XRN2: variants seen among roughly 807,000 people sequenced by gnomAD.
XRN2 encodes DHM1-like protein.
In XRN2, 44 loss-of-function variants were observed where a neutral mutation model predicts 138.5. The ratio of observed to expected loss-of-function variants is 0.32; its 90% CI spans 0.25 to 0.41. The LOEUF is 0.41. Ranked by LOEUF, XRN2 falls within the 10% of genes least tolerant of loss-of-function variation. The probability of loss-of-function intolerance (pLI) is 1.00; values close to 1 mark genes in which losing one functional copy is unlikely to be tolerated. For synonymous variants in XRN2, 354 were observed against 369.4 expected (o/e 0.96, Z 0.48); for missense variants, 937 against 1,169.3 (o/e 0.80, Z 2.90).
chr20:21,304,155 TGTTA>T (rs2037781646), intron 1 of XRN2, among the ~76,000 whole-genome samples: 1 of 152,326 alleles, frequency 6.6e-6, no homozygotes, highest in East Asian at 1.9e-4. Context: ...CAATTTTTGT[TGTTA>T]GTTAATACGT....
chr20:21,350,525 CAAAAAAAAAAAAAAA>C (rs11484426), intron 20 of XRN2, among the ~76,000 whole-genome samples: 23 of 58,936 alleles, frequency 3.9e-4, no homozygotes, highest in South Asian at 3.3e-3. Flanking sequence ...GACTCCGTCT[CAAAAAAAAAAAAAAA>C]AAAAAAAAAA....
In XRN2 at chr20:21,333,802, T is replaced by C. The variant is rs2038248712; in HGVS notation, c.1032T>C (p.Asn344=). The change falls in exon 11 of 30, where the codon AAT becomes AAC. Residue 344 remains asparagine (N), a synonymous_variant. Coordinates refer to ENST00000377191, the MANE Select transcript of XRN2 (RefSeq NM_012255.5). ...TTTTCATGTGCTTCTTTGTGGGAAA[T>C]GACTTCCTCCCTCATTTGCCATCGT... ...DWVFMCFFVG[N]DFLPHLPSLE... The C allele has an allele frequency of 6.2e-7, 1 of 1,614,038 alleles. No homozygotes were observed. Among genetic ancestry groups the C allele is most frequent in the African/African-American group, 1.3e-5 (1 of 74,928 alleles).
chr20:21,306,134 G>GT (rs1474114399), intron 1 of XRN2, among the ~76,000 whole-genome samples: 1,130 of 66,982 alleles, frequency 0.017, 349 homozygotes, highest in African/African-American at 0.044. Context: ...AATTCGAGGT[G>GT]TTTTTTTTTT....
chr20:21,319,570 A>G (rs2038009340), intron 1 of XRN2, among the ~76,000 whole-genome samples: 1 of 151,944 alleles, frequency 6.6e-6, no homozygotes, highest in Non-Finnish European at 1.5e-5. Context: ...AATTTTTTCC[A>G]CTATATATTT....
chr20:21,303,467 A>C lies in XRN2; in HGVS notation c.69A>C (p.Glu23Asp). Reference sequence around the variant, plus strand: ...CGTCCATCATAGTCAACTGCGTGGAAGAGAAGGTGAGGAGGCGCCAGGCGG... The same window carrying C: ...CGTCCATCATAGTCAACTGCGTGGACGAGAAGGTGAGGAGGCGCCAGGCGG... ...KYPSIIVNCV[E>D]EKPKECNGVK... The change falls in exon 1 of 30, where the codon GAA becomes GAC. Residue 23 changes from glutamate to aspartate, a missense_variant. Around this residue, in one of 6 missense-constraint regions of XRN2, gnomAD observed 32 missense variants for 32.9 expected, o/e 0.97. Coordinates refer to ENST00000377191, the MANE Select transcript of XRN2 (RefSeq NM_012255.5). The C allele has an allele frequency of 1.3e-6, 2 of 1,543,166 alleles. No individual in the cohort carries two copies. The highest frequency in any genetic ancestry group is 1.7e-6 in the Non-Finnish European group (2 of 1,144,620).
chr20:21,338,395 T>C (rs191113011), intron 13 of XRN2, among the ~76,000 whole-genome samples: 84 of 152,326 alleles, frequency 5.5e-4, no homozygotes, highest in Non-Finnish European at 9.7e-4. Context: ...CAACGTGGGC[T>C]GGACCCTCTC....
chr20:21,370,375 A>C (rs2038747874), intron 27 of XRN2, among the ~76,000 whole-genome samples: 1 of 152,210 alleles, frequency 6.6e-6, no homozygotes, highest in African/African-American at 2.4e-5. Context: ...AGTTAAATGA[A>C]TAAGGTAATT....
At chr20:21,368,334 G>T in intron 26 of XRN2, 129 bp from the exon 27 acceptor site, 1 of 1,113,488 alleles carries the variant, frequency 9.0e-7, no homozygotes, top group Non-Finnish European at 1.2e-6. Flanking sequence ...CCACCTTTTT[G>T]TTTGTATTAT....
intron 28 of XRN2, among the ~76,000 whole-genome samples, chr20:21,383,923 C>T (rs1487777744): frequency 6.6e-6 from 1 of 152,184 alleles, no homozygotes; most frequent in Non-Finnish European, 1.5e-5. Flanking sequence ...TCATAAAAGT[C>T]TTACATCACA....
chr20:21,330,606 A>G lies in XRN2; in HGVS notation c.487-10A>G, dbSNP rs770933289. On this transcript the variant is annotated splice_polypyrimidine_tract_variant and intron_variant, in intron 5 of 29. Transcript: ENST00000377191. Reference sequence around the variant, plus strand: ...ATGATAGGTTAATTTATTTCTTTCTATCATTTTAGGGAACTGAATTCATGG... The same window carrying G: ...ATGATAGGTTAATTTATTTCTTTCTGTCATTTTAGGGAACTGAATTCATGG... 11 of 1,613,618 alleles carry G rather than the reference A, an allele frequency of 6.8e-6. No homozygotes were observed. Among genetic ancestry groups the G allele is most frequent in the East Asian group, 2.2e-5 (1 of 44,814 alleles).
intron 26 of XRN2, among the ~76,000 whole-genome samples, chr20:21,367,674 G>T (rs964329677): frequency 2.0e-5 from 3 of 152,098 alleles, no homozygotes; most frequent in Non-Finnish European, 4.4e-5. Context: ...TCTGTCAAGC[G>T]CTTAGGGTAG....
At chr20:21,331,716 T>C in intron 7 of XRN2, 52 bp from the exon 8 acceptor site, 1 of 1,591,536 alleles carries the variant, frequency 6.3e-7, no homozygotes. Flanking sequence ...TGAAGTGATA[T>C]TCTTGTGGTA....
intron 27 of XRN2, among the ~76,000 whole-genome samples, chr20:21,374,654 A>G (rs1038112943): frequency 2.0e-5 from 3 of 152,206 alleles, no homozygotes; most frequent in Non-Finnish European, 4.4e-5. Context: ...GAGTAAACCT[A>G]ATTTCTGGAA....
At chr20:21,377,432 T>C (rs1372949241) in intron 27 of XRN2, among the ~76,000 whole-genome samples, 1 of 151,786 alleles carries the variant, frequency 6.6e-6, no homozygotes, top group Admixed American at 6.6e-5. Flanking sequence ...ACTTTTTGTA[T>C]TTTTAGTAGA....
Position 21,356,185 on chromosome 20 carries a change from A to G in XRN2, c.2118+8A>G, listed in dbSNP as rs1437323894. 6.3e-7 allele frequency: 1 copy of G among 1,592,444 alleles called. No individual in the cohort carries two copies. The highest frequency in any genetic ancestry group is 8.5e-7 in the Non-Finnish European group (1 of 1,171,022). ...CAGACAGGTTCCACAGAGGTATGTTACGCAATTTGGTTAATTAGAAATGCA... is the reference window on the plus strand; with the variant it reads ...CAGACAGGTTCCACAGAGGTATGTTGCGCAATTTGGTTAATTAGAAATGCA... On this transcript the variant is annotated splice_region_variant and intron_variant, in intron 22 of 29. Transcript: ENST00000377191.
intron 3 of XRN2, 96 bp from the exon 4 acceptor site, chr20:21,328,463 T>C (rs535317846): frequency 7.7e-5 from 88 of 1,138,746 alleles, no homozygotes; most frequent in Non-Finnish European, 1.0e-4. Context: ...TCCATTTTAG[T>C]GTACTGCTTT....
At chr20:21,310,810 T>A (rs2037869653) in intron 1 of XRN2, among the ~76,000 whole-genome samples, 1 of 152,086 alleles carries the variant, frequency 6.6e-6, no homozygotes, top group East Asian at 1.9e-4. Context: ...AGTGGCGCGA[T>A]CTCGGCTCAC....
At chr20:21,330,121 A>C (rs988181902) in intron 4 of XRN2, among the ~76,000 whole-genome samples, 1 of 151,988 alleles carries the variant, frequency 6.6e-6, no homozygotes, top group African/African-American at 2.4e-5. Context: ...CGTCTCTACT[A>C]AAAATACAAA....
chr20:21,358,761 G>T (rs147535490), intron 24 of XRN2, among the ~76,000 whole-genome samples: 1 of 151,220 alleles, frequency 6.6e-6, no homozygotes, highest in South Asian at 2.1e-4. Flanking sequence ...TTATCTTTAC[G>T]TATAATTTTT....
Sources: allele counts gnomAD v4.1 joint callset (sites outside exome capture counted in the v4.1 genomes callset), GRCh38; gene constraint gnomAD v4.1.1; regional missense constraint gnomAD v4.1.1; transcripts MANE v1.5; gene names NCBI Gene and HGNC (gene_info 2026-07-23, HGNC 2026-07-21).